SLC2A9: variants seen among roughly 807,000 people sequenced by gnomAD.
SLC2A9 encodes solute carrier family 2, facilitated glucose transporter member 9.
Under a neutral mutation model 50.6 loss-of-function variants are expected in SLC2A9, and 39 were observed. The ratio of observed to expected loss-of-function variants is 0.77; its 90% CI spans 0.60 to 1.01. SLC2A9 has a LOEUF of 1.01. Among genes scored for constraint, SLC2A9 ranks in the 50% least tolerant of loss-of-function variants. The probability of loss-of-function intolerance (pLI) is 0.00; values close to 1 mark genes in which losing one functional copy is unlikely to be tolerated. For missense variants in SLC2A9, 686 were observed against 677.6 expected (o/e 1.01, Z -0.14); for synonymous variants, 324 against 276.9 (o/e 1.17, Z -1.69).
intron 2 of SLC2A9, among the ~76,000 whole-genome samples, chr4:10,014,099 G>A (rs1374850234): frequency 6.6e-6 from 1 of 152,148 alleles, no homozygotes; most frequent in Non-Finnish European, 1.5e-5. Flanking sequence ...CCCCTGCCAG[G>A]CTTGGGTCCT....
intron 3 of SLC2A9, among the ~76,000 whole-genome samples, chr4:9,786,188 CAT>C (rs1369776774): frequency 5.9e-5 from 9 of 152,332 alleles, no homozygotes; most frequent in Admixed American, 1.3e-4. Flanking sequence ...TGGGTACACA[CAT>C]GTGTTAATTC....
At chr4:9,811,281 C>T (rs1436347599) in intron 3 of SLC2A9, among the ~76,000 whole-genome samples, 1 of 152,344 alleles carries the variant, frequency 6.6e-6, no homozygotes, top group South Asian at 2.1e-4. Context: ...ACTTTGGGGG[C>T]CTCTCATCAG....
intron 6 of SLC2A9, among the ~76,000 whole-genome samples, chr4:9,925,430 G>T (rs1744723166): frequency 6.6e-6 from 1 of 152,192 alleles, no homozygotes; most frequent in African/African-American, 2.4e-5. Flanking sequence ...GCCATTTAAG[G>T]GATGCTGTGT....
Position 10,031,874 on chromosome 4 carries a change from G to A in SLC2A9, c.-40-5868C>T, listed in dbSNP as rs183812738. On this transcript the variant is annotated intron_variant, in intron 1 of 12. Transcript: ENST00000309065. ...GCCACTGTCCCCTGGGAATGCACTG[G>A]GAATGAGGGTCACCAAGAGGTCACA... is the stretch of plus-strand genomic sequence containing the variant. Among the ~76,000 whole-genome samples, 43 of 152,300 alleles carry A rather than the reference G, an allele frequency of 2.8e-4. No homozygotes were observed. In the East Asian group the frequency reaches 7.5e-3, roughly 27 times the overall value.
chr4:9,930,301 C>A (rs1157065554), intron 6 of SLC2A9, among the ~76,000 whole-genome samples: 1 of 152,226 alleles, frequency 6.6e-6, no homozygotes, highest in Non-Finnish European at 1.5e-5. Flanking sequence ...AATGCCAGGT[C>A]TTCCCCTAAA....
downstream of SLC2A9, among the ~76,000 whole-genome samples, chr4:9,775,854 C>T (rs1186552654): frequency 2.6e-5 from 4 of 152,288 alleles, no homozygotes; most frequent in Middle Eastern, 6.8e-3. Flanking sequence ...GCCTAATACA[C>T]CATCTTTGGA....
At chr4:9,806,674 G>A (rs536029964) in intron 3 of SLC2A9, among the ~76,000 whole-genome samples, 3 of 152,316 alleles carry the variant, frequency 2.0e-5, no homozygotes, top group African/African-American at 2.4e-5. Flanking sequence ...CTGTGTGCAT[G>A]GGGGGTGGGA....
chr4:10,018,550 A>AGAT (rs1553915038), intron 2 of SLC2A9, among the ~76,000 whole-genome samples: 24 of 126,952 alleles, frequency 1.9e-4, no homozygotes, highest in African/African-American at 7.3e-4. Flanking sequence ...CAAAGATGAT[A>AGAT]GATAGATAGA....
intron 7 of SLC2A9, among the ~76,000 whole-genome samples, chr4:9,913,303 T>TTGTGTGTGTG (rs59023239): frequency 1.7e-3 from 247 of 142,208 alleles, no homozygotes; most frequent in Middle Eastern, 3.7e-3. Flanking sequence ...TCCTGTGTGT[T>TTGTGTGTGTG]TGTGTGTGTG....
At chr4:9,871,648 G>A (rs978309478) in intron 10 of SLC2A9, among the ~76,000 whole-genome samples, 1 of 152,150 alleles carries the variant, frequency 6.6e-6, no homozygotes, top group South Asian at 2.1e-4. Context: ...CCTTAACTGA[G>A]TAATCTGCAA....
chr4:9,844,149 TAA>T (rs146298159), intron 10 of SLC2A9, among the ~76,000 whole-genome samples: 4 of 66,842 alleles, frequency 6.0e-5, no homozygotes, highest in African/African-American at 3.3e-4. Flanking sequence ...CCAGATTTAG[TAA>T]AAAAAAAATA....
Position 10,018,979 on chromosome 4 carries a change from G to T in SLC2A9, c.245C>A (p.Thr82Asn). The change falls in exon 2 of 12, where the codon ACC becomes AAC. Residue 82 changes from threonine (T) to asparagine (N), a missense_variant. Transcript: ENST00000264784. ...GYNLSVVNAP[T>N]PYIKAFYNES... ...CGGGCCTTGGCGCGCACTCACCGGG[G>T]TGGGGGCATTCACCACCGACAGGTT... The T allele has an allele frequency of 6.5e-7, 1 of 1,549,724 alleles. No homozygotes were observed.
At position 10,006,166 on chromosome 4, in the gene SLC2A9, C is replaced by T. The variant is rs923551572; in HGVS notation, c.250-9225G>A. On this transcript the variant is annotated intron_variant, in intron 2 of 11. Coordinates refer to ENST00000264784, the MANE Select transcript of SLC2A9 (RefSeq NM_020041.3). The stretch of plus-strand genomic sequence containing the variant: ...ATCTCCCAGGCCAGGAACCTGGGGA[C>T]CAAGCCTCTGGACATAAAATTGAAC... Among the ~76,000 whole-genome samples the T allele has an allele frequency of 2.0e-5, 3 of 152,172 alleles. No homozygotes were observed. The East Asian group carries it at 5.8e-4, about 29-fold the overall frequency.
chr4:9,810,249 T>G lies in SLC2A9; in HGVS notation n.421-11008A>C, dbSNP rs115809382. On this transcript the variant is annotated intron_variant and non_coding_transcript_variant, in intron 3 of 3. Coordinates refer to the SLC2A9 transcript ENST00000503280. ...ACAGTAGAGCCGCAGTTAAGTGTTCTGTGATGAATGGATTGTATTGAATGA... is the reference window on the plus strand; with the variant it reads ...ACAGTAGAGCCGCAGTTAAGTGTTCGGTGATGAATGGATTGTATTGAATGA... Among the ~76,000 whole-genome samples the G allele has an allele frequency of 5.0e-3, 765 of 152,078 alleles. 11 individuals carry two copies. Among genetic ancestry groups the G allele is most frequent in the Middle Eastern group, 0.02 (6 of 294 alleles).
At chr4:9,963,462 C>A (rs1752592726) in intron 5 of SLC2A9, among the ~76,000 whole-genome samples, 1 of 152,198 alleles carries the variant, frequency 6.6e-6, no homozygotes, top group Non-Finnish European at 1.5e-5. Flanking sequence ...CCACGGTCAG[C>A]TCTACGTTGA....
At chr4:9,968,087 G>T (rs1296886752) in intron 5 of SLC2A9, among the ~76,000 whole-genome samples, 2 of 152,102 alleles carry the variant, frequency 1.3e-5, no homozygotes, top group Admixed American at 1.3e-4. Context: ...TTTACAAGAA[G>T]TTCTGATTTT....
intron 6 of SLC2A9, among the ~76,000 whole-genome samples, chr4:9,938,373 G>A (rs1053832170): frequency 2.0e-5 from 3 of 149,308 alleles, no homozygotes; most frequent in African/African-American, 7.4e-5. Context: ...CCAGGTTCAC[G>A]CCATTCTCTT....
intron 8 of SLC2A9, among the ~76,000 whole-genome samples, chr4:9,904,611 T>C (rs998747224): frequency 1.3e-5 from 2 of 152,172 alleles, no homozygotes; most frequent in Admixed American, 6.5e-5. Flanking sequence ...TGGGGAGCCA[T>C]TGTTTTGCCT....
At chr4:9,781,430 T>C (rs781618588) in intron 3 of SLC2A9, among the ~76,000 whole-genome samples, 18 of 152,198 alleles carry the variant, frequency 1.2e-4, no homozygotes, top group Non-Finnish European at 2.5e-4. Flanking sequence ...ACCCTTCGGT[T>C]TTCCCGGGGA....
Sources: gnomAD v4.1 joint callset for allele counts (sites outside exome capture counted in the v4.1 genomes callset) on GRCh38, gnomAD v4.1.1 for gene constraint, MANE v1.5 for transcripts, NCBI Gene and HGNC (gene_info 2026-07-23, HGNC 2026-07-21) for gene names.